Variants in CEP128 observed in about 807,000 individuals in gnomAD.
The protein encoded by CEP128 is centrosomal protein 128kDa.
A neutral mutation model predicts 156.7 loss-of-function variants in CEP128; 132 were observed. The ratio of observed to expected loss-of-function variants is 0.84; its 90% CI spans 0.73 to 0.97. The LOEUF is 0.97. Among genes scored for constraint, CEP128 ranks in the 50% least tolerant of loss-of-function variants. The probability of loss-of-function intolerance (pLI) is 0.00; values close to 1 mark genes in which losing one functional copy is unlikely to be tolerated. For synonymous variants in CEP128, 469 were observed against 448.9 expected (o/e 1.04, Z -0.57); for missense variants, 1,252 against 1,281.9 (o/e 0.98, Z 0.36).
At chr14:80,553,884 G>A (rs1890318380) in intron 21 of CEP128, among the ~76,000 whole-genome samples, 1 of 152,146 alleles carries the variant, frequency 6.6e-6, no homozygotes, top group Non-Finnish European at 1.5e-5. Flanking sequence ...GCACTGGCTA[G>A]GCCCTTCTGC....
In CEP128 at chr14:80,772,316, AGAG is replaced by A. The variant is rs1456119360; in HGVS notation, c.2376+5563_2376+5565del. 4.6e-5 allele frequency among the ~76,000 whole-genome samples: 7 copies of A among 152,264 alleles called. No homozygotes were observed. In the East Asian group the frequency reaches 1.4e-3, roughly 29 times the overall value. On this transcript the variant is annotated intron_variant, in intron 16 of 24. Transcript: ENST00000555265. ...ATGGCAGAATGGTGTGACAGACAAA[AGAG>A]AGGAGCATCTGAACATCGAGAGGAG... is the stretch of plus-strand genomic sequence containing the variant.
intron 21 of CEP128, among the ~76,000 whole-genome samples, chr14:80,546,384 T>C (rs1310126260): frequency 1.3e-5 from 2 of 151,946 alleles, no homozygotes; most frequent in Non-Finnish European, 2.9e-5. Flanking sequence ...TCCAACAGAG[T>C]TGGAGAGTAT....
In CEP128 at chr14:80,518,807, G is replaced by A. The variant is rs560668522; in HGVS notation, c.3072+8062C>T. Among the ~76,000 whole-genome samples the A allele has an allele frequency of 2.7e-3, 408 of 152,096 alleles. 1 individual carries two copies. The highest frequency in any genetic ancestry group is 4.5e-3 in the Non-Finnish European group (306 of 67,956). ...TTCTAATATAAGTCTTCAAAATATTGTCAGAATTTATTATGTTACCTTGAA... is the reference window on the plus strand; with the variant it reads ...TTCTAATATAAGTCTTCAAAATATTATCAGAATTTATTATGTTACCTTGAA... On this transcript the variant is annotated intron_variant, in intron 23 of 24. Transcript: ENST00000555265.
chr14:80,895,228 G>A (rs1719534679), intron 8 of CEP128, among the ~76,000 whole-genome samples: 1 of 152,050 alleles, frequency 6.6e-6, no homozygotes, highest in African/African-American at 2.4e-5. Context: ...GGAATTAGGA[G>A]TATTTTCAAG....
chr14:80,681,358 C>T (rs1027982626), intron 19 of CEP128, among the ~76,000 whole-genome samples: 4 of 152,242 alleles, frequency 2.6e-5, no homozygotes, highest in South Asian at 2.1e-4. Context: ...CTGAATGTAG[C>T]GACACCACCA....
At chr14:80,690,626 T>C (rs1270656892) in intron 19 of CEP128, among the ~76,000 whole-genome samples, 2 of 152,176 alleles carry the variant, frequency 1.3e-5, no homozygotes, top group Non-Finnish European at 1.5e-5. Flanking sequence ...TCTTTTCATA[T>C]GTATGAAATT....
chr14:80,587,073 A>G (rs2140469687), intron 19 of CEP128, among the ~76,000 whole-genome samples: 1 of 152,158 alleles, frequency 6.6e-6, no homozygotes, highest in East Asian at 1.9e-4. Context: ...ACCCTTAAAT[A>G]TCTCTGCTAA....
intron 2 of CEP128, among the ~76,000 whole-genome samples, chr14:80,950,607 A>G (rs1237812478): frequency 2.0e-5 from 3 of 152,166 alleles, no homozygotes; most frequent in African/African-American, 7.2e-5. Context: ...CAAAAAGAAA[A>G]ATAATTTTTT....
intron 22 of CEP128, among the ~76,000 whole-genome samples, chr14:80,530,169 A>C (rs962180300): frequency 2.6e-5 from 4 of 152,242 alleles, no homozygotes; most frequent in African/African-American, 9.6e-5. Flanking sequence ...TTGCATCTGC[A>C]GCCCTAAGGC....
At position 80,580,424 on chromosome 14, in the gene CEP128, C is replaced by G. The variant is rs1891540105; in HGVS notation, c.2807-1G>C. The G allele has an allele frequency of 6.3e-7, 1 of 1,587,482 alleles. No homozygotes were observed. Among genetic ancestry groups the G allele is most frequent in the Non-Finnish European group, 8.6e-7 (1 of 1,158,728 alleles). On this transcript the variant is annotated splice_acceptor_variant, in intron 19 of 24. Transcript: ENST00000555265. LOFTEE classifies it high-confidence loss of function. Reference sequence around the variant, plus strand: ...TTTCTTTGGGTCTCTTCCAGTAGATCTGTAATAAGAAAGTAAAATACCCAT... The same window carrying G: ...TTTCTTTGGGTCTCTTCCAGTAGATGTGTAATAAGAAAGTAAAATACCCAT...
chr14:80,616,297 T>C (rs1201016713), intron 19 of CEP128, among the ~76,000 whole-genome samples: 1 of 152,212 alleles, frequency 6.6e-6, no homozygotes, highest in Non-Finnish European at 1.5e-5. Context: ...CTAAAATGTA[T>C]GAGTGCTCAC....
chr14:80,596,819 CA>C (rs57402112), intron 19 of CEP128, among the ~76,000 whole-genome samples: 4 of 14,042 alleles, frequency 2.8e-4, no homozygotes, highest in African/African-American at 1.8e-3. Flanking sequence ...GACACTGTCA[CA>C]AAAAAAAAAA....
chr14:80,618,727 T>C (rs529516218), intron 19 of CEP128, among the ~76,000 whole-genome samples: 8 of 152,218 alleles, frequency 5.3e-5, no homozygotes, highest in Non-Finnish European at 1.2e-4. Context: ...CTGAGATTCC[T>C]ATATGAAGCT....
chr14:80,836,774 T>C (rs1015305743), intron 11 of CEP128, among the ~76,000 whole-genome samples: 2 of 152,242 alleles, frequency 1.3e-5, no homozygotes, highest in African/African-American at 4.8e-5. Context: ...ATGTAATAGA[T>C]GCTGTTGAAT....
Position 80,693,462 on chromosome 14 carries a change from T to C in CEP128, c.2806+49613A>G, listed in dbSNP as rs1896785150. ...CTTTATTCTTTAATGAGACATAGAG[T>C]GATCTTTCAAATCTCAATCAAAATC... On this transcript the variant is annotated intron_variant, in intron 19 of 24. Coordinates refer to ENST00000555265, the MANE Select transcript of CEP128 (RefSeq NM_152446.5). Among the ~76,000 whole-genome samples the C allele has an allele frequency of 2.0e-5, 3 of 152,180 alleles. No individual in the cohort carries two copies. The South Asian group carries it at 6.2e-4, about 31-fold the overall frequency.
intron 19 of CEP128, among the ~76,000 whole-genome samples, chr14:80,592,678 C>T (rs1892131196): frequency 6.6e-6 from 1 of 152,160 alleles, no homozygotes; most frequent in Non-Finnish European, 1.5e-5. Context: ...ATACGAAAAC[C>T]AGGCGGAGAC....
chr14:80,922,674 A>C (rs1485005349), intron 2 of CEP128, among the ~76,000 whole-genome samples: 1 of 152,236 alleles, frequency 6.6e-6, no homozygotes, highest in Non-Finnish European at 1.5e-5. Flanking sequence ...GAAGAAAAAC[A>C]TTTATGTATG....
intron 20 of CEP128, among the ~76,000 whole-genome samples, chr14:80,578,277 G>A (rs570082800): frequency 6.6e-6 from 1 of 152,174 alleles, no homozygotes; most frequent in South Asian, 2.1e-4. Context: ...TGCTTGATAA[G>A]GGTTTGTTCA....
In CEP128 at chr14:80,784,885, G is replaced by A. The variant is rs1053923663; in HGVS notation, c.2211+10C>T. On this transcript the variant is annotated intron_variant, in intron 15 of 24. Transcript: ENST00000555265. ...CCTTCAGTATCATCAGGATAATTTA[G>A]CAGAGGTACCTTCAGAGTCCTGATA... 3 of 1,586,166 alleles carry A rather than the reference G, an allele frequency of 1.9e-6. No homozygotes were observed. Among genetic ancestry groups the A allele is most frequent in the Middle Eastern group, 3.4e-4 (2 of 5,882 alleles).
Sources: allele counts gnomAD v4.1 joint callset (sites outside exome capture counted in the v4.1 genomes callset), GRCh38; gene constraint gnomAD v4.1.1; transcripts MANE v1.5; gene names NCBI Gene and HGNC (gene_info 2026-07-23, HGNC 2026-07-21).